FGFR3: variants seen among roughly 807,000 people sequenced by gnomAD.
FGFR3 encodes fibroblast growth factor receptor 3.
FGFR3 carries 25 observed loss-of-function variants against 82.9 expected under a neutral mutation model. The ratio of observed to expected loss-of-function variants is 0.30; its 90% confidence interval spans 0.22 to 0.42. The LOEUF is 0.42. Among genes scored for constraint, FGFR3 ranks in the 10% least tolerant of loss-of-function variants. The probability of loss-of-function intolerance (pLI) is 1.00; values close to 1 mark genes in which losing one functional copy is unlikely to be tolerated. For missense variants in FGFR3, 1,026 were observed against 1,161.0 expected (o/e 0.88, Z 1.69); for synonymous variants, 620 against 516.0 (o/e 1.20, Z -2.73).
chr4:1,798,474 G>A (rs3135863), intron 2 of FGFR3, among the ~76,000 whole-genome samples: 3,162 of 151,796 alleles, frequency 0.021, 53 homozygotes, highest in Non-Finnish European at 0.031. Context: ...CGTCATGACC[G>A]CCGTGTGGAG....
intron 8 of FGFR3, 95 bp downstream of exon 8, chr4:1,803,931 C>T: frequency 7.4e-7 from 1 of 1,349,766 alleles, no homozygotes; most frequent in Non-Finnish European, 1.1e-6. Flanking sequence ...AATCCTGTGA[C>T]TTACGGCCGT....
At chr4:1,803,163 C>G in intron 7 of FGFR3, 1 of 1,315,340 alleles carries the variant, frequency 7.6e-7, no homozygotes, top group Non-Finnish European at 9.9e-7. Context: ...TGCTCGCTCC[C>G]GCCCCGGCTC....
Position 1,807,426 on chromosome 4 carries a change from C to A in FGFR3, c.*164C>A. ...GTGTGTGTGTGTGTGTGTGCACATC[C>A]GCGTGTGCCTGTGTGCGTGCGCATC... On this transcript the variant is annotated 3_prime_UTR_variant, in exon 18 of 18. Transcript: ENST00000440486. The A allele has an allele frequency of 9.3e-7, 1 of 1,071,832 alleles. No homozygotes were observed. The highest frequency in any genetic ancestry group is 1.4e-6 in the Non-Finnish European group (1 of 723,956). 66.4% of individuals were successfully genotyped at this position (1,071,832 alleles called of 1,614,324 possible). A position where few individuals can be genotyped will look rare whatever the true frequency, so the allele number is the denominator to read the frequency against.
intron 2 of FGFR3, among the ~76,000 whole-genome samples, chr4:1,795,784 C>T (rs1269220957): frequency 1.3e-5 from 2 of 152,176 alleles, no homozygotes; most frequent in South Asian, 2.1e-4. Context: ...CACAGTCCCA[C>T]CCCACCCAGC....
rs1260534112 is a variant in FGFR3 at position 1,807,121 on chromosome 4, C to T, written c.2280C>T (p.Tyr760=). The change falls in exon 18 of 18, where the codon TAC becomes TAT. Residue 760 remains tyrosine (Y), a synonymous_variant. Transcript: ENST00000440486. Reference sequence around the variant, plus strand: ...ACCCCGCCTCCCGCCAGCAGGAGTACCTGGACCTGTCGGCGCCTTTCGAGC... The same window carrying T: ...ACCCCGCCTCCCGCCAGCAGGAGTATCTGGACCTGTCGGCGCCTTTCGAGC... ...RVLTVTSTDE[Y]LDLSAPFEQY... 2 of 1,582,630 alleles carry T rather than the reference C, an allele frequency of 1.3e-6. No homozygotes were observed. The highest frequency in any genetic ancestry group is 1.7e-6 in the Non-Finnish European group (2 of 1,164,940).
chr4:1,804,263 A>G, intron 8 of FGFR3, 67 bp from the exon 9 acceptor site: 3 of 1,517,022 alleles, frequency 2.0e-6, no homozygotes, highest in Non-Finnish European at 2.6e-6. Context: ...GCTCTGGGCC[A>G]GGGGCATCCA....
chr4:1,804,607 T>C, intron 9 of FGFR3, 87 bp downstream of exon 9: 2 of 1,549,582 alleles, frequency 1.3e-6, no homozygotes, highest in African/African-American at 1.4e-5. Context: ...TCCTGGGCTG[T>C]GTGAGCCCTC....
At chr4:1,801,035 C>G (rs1292234774) in intron 4 of FGFR3, among the ~76,000 whole-genome samples, 1 of 152,238 alleles carries the variant, frequency 6.6e-6, no homozygotes, top group African/African-American at 2.4e-5. Flanking sequence ...GGCCTGCCCC[C>G]TGGGTCTTCA....
chr4:1,804,517 A>G lies in FGFR3; in HGVS notation c.1263A>G (p.Arg421=), dbSNP rs866774930. The change falls in exon 9 of 18, where the codon CGA becomes CGG. Residue 421 remains arginine, a synonymous_variant. Transcript: ENST00000440486. ...VHKISRFPLK[R]QVSLESNASM... is the part of the protein sequence containing the mutation. ...AGATCTCCCGCTTCCCGCTCAAGCG[A>G]CAGGTAACAGAAAGTAGATACCAGG... 8 of 1,612,264 alleles carry G rather than the reference A, an allele frequency of 5.0e-6. No individual in the cohort carries two copies. The Middle Eastern group carries it at 8.2e-4, about 166-fold the overall frequency.
At chr4:1,795,754 G>A (rs1367625669) in intron 2 of FGFR3, among the ~76,000 whole-genome samples, 1 of 152,148 alleles carries the variant, frequency 6.6e-6, no homozygotes, top group South Asian at 2.1e-4. Context: ...GTGCAGGGAG[G>A]TACACAAGGT....
At chr4:1,801,305 T>C in intron 4 of FGFR3, 62 bp from the exon 5 acceptor site, 1 of 1,515,394 alleles carries the variant, frequency 6.6e-7, no homozygotes, top group African/African-American at 1.4e-5. Flanking sequence ...GGGAAGGGGG[T>C]TGTTCAGAGG....
chr4:1,797,787 G>A (rs1720692694), intron 2 of FGFR3, among the ~76,000 whole-genome samples: 1 of 152,214 alleles, frequency 6.6e-6, no homozygotes, highest in Admixed American at 6.5e-5. Flanking sequence ...TCCTTCGGAT[G>A]CTTCAGGGGA....
intron 2 of FGFR3, among the ~76,000 whole-genome samples, chr4:1,797,307 G>A (rs1005648732): frequency 3.3e-5 from 5 of 152,142 alleles, no homozygotes; most frequent in African/African-American, 1.2e-4. Context: ...CATGCCCCGT[G>A]TCACACTGTC....
intron 4 of FGFR3, among the ~76,000 whole-genome samples, chr4:1,800,390 G>C (rs554161471): frequency 7.2e-5 from 11 of 152,234 alleles, no homozygotes; most frequent in African/African-American, 2.4e-4. Flanking sequence ...TTTGGAGGGA[G>C]CTCTGAGGGG....
chr4:1,794,701 G>T (rs1720261212), intron 2 of FGFR3, among the ~76,000 whole-genome samples: 1 of 152,120 alleles, frequency 6.6e-6, no homozygotes, highest in Non-Finnish European at 1.5e-5. Context: ...TCTGAAGGGA[G>T]GTCCCAAGGG....
Position 1,807,995 on chromosome 4 carries a change from G to C in FGFR3, c.*733G>C. On this transcript the variant is annotated 3_prime_UTR_variant, in exon 18 of 18. Coordinates refer to ENST00000440486, the MANE Select transcript of FGFR3 (RefSeq NM_000142.5). Reference sequence around the variant, plus strand: ...ACAGGAGGCAGGCATGGCCCTGGGCGGGGCGTGGGGGGGCGTGGAGGGAGG... The same window carrying C: ...ACAGGAGGCAGGCATGGCCCTGGGCCGGGCGTGGGGGGGCGTGGAGGGAGG... 1 of 242,844 alleles carries C rather than the reference G, an allele frequency of 4.1e-6. No homozygotes were observed. 15.0% of individuals were successfully genotyped at this position (242,844 alleles called of 1,614,324 possible). A position where few individuals can be genotyped will look rare whatever the true frequency, so the allele number is the denominator to read the frequency against.
Position 1,805,563 on chromosome 4 carries a change from T to A in FGFR3, c.1539T>A (p.Asp513Glu). 1 of 1,613,120 alleles carries A rather than the reference T, an allele frequency of 6.2e-7. No individual in the cohort carries two copies. The highest frequency in any genetic ancestry group is 8.5e-7 in the Non-Finnish European group (1 of 1,179,812). ...VTVAVKMLKDDATDKDLSDLV... is the reference protein window; with the variant it reads ...VTVAVKMLKDEATDKDLSDLV... Reference sequence around the variant, plus strand: ...GGCCCCCCGCTCCGTGCACAGACGATGCCACTGACAAGGACCTGTCGGACC... The same window carrying A: ...GGCCCCCCGCTCCGTGCACAGACGAAGCCACTGACAAGGACCTGTCGGACC... The change falls in exon 12 of 18, where the codon GAT becomes GAA. Residue 513 changes from aspartate to glutamate, a missense_variant. Transcript: ENST00000440486.
chr4:1,804,139 C>T (rs948480713), intron 8 of FGFR3, among the ~76,000 whole-genome samples, 191 bp from the exon 9 acceptor site: 6 of 152,224 alleles, frequency 3.9e-5, no homozygotes, highest in African/African-American at 1.2e-4. Context: ...CTGCTGGGCT[C>T]CTTCTCTCCA....
intron 2 of FGFR3, 108 bp downstream of exon 2, chr4:1,794,151 C>G (rs1452225467): frequency 5.6e-6 from 3 of 537,586 alleles, no homozygotes; most frequent in African/African-American, 2.0e-5. Context: ...GAGTGACGCC[C>G]CGGGGTTAGA....
Sources: allele counts gnomAD v4.1 joint callset (sites outside exome capture counted in the v4.1 genomes callset), GRCh38; gene constraint gnomAD v4.1.1; transcripts MANE v1.5; gene names NCBI Gene and HGNC (gene_info 2026-07-23, HGNC 2026-07-21).